The following CAMKK2 variants were observed in gnomAD, a reference collection of about 807,000 sequenced individuals.
The protein encoded by CAMKK2 is calcium/calmodulin-dependent protein kinase kinase 2.
In CAMKK2, 30 loss-of-function variants were observed where a neutral mutation model predicts 67.2. The observed-to-expected ratio is 0.45, with a 90% CI of 0.33 to 0.61. The LOEUF is 0.61. Among genes scored for constraint, CAMKK2 ranks in the 20% least tolerant of loss-of-function variants. The pLI, the probability that CAMKK2 is intolerant of heterozygous loss-of-function variation, is 0.02. For synonymous variants in CAMKK2, 322 were observed against 326.2 expected (o/e 0.99, Z 0.14); for missense variants, 643 against 802.0 (o/e 0.80, Z 2.39).
At chr12:121,263,634 A>G (rs11837114) in intron 6 of CAMKK2, among the ~76,000 whole-genome samples, 172 bp downstream of exon 6, 9,371 of 150,412 alleles carry the variant, frequency 0.062, 940 homozygotes, top group African/African-American at 0.21. Context: ...AAGAAAGAAG[A>G]GAAAAAATAG....
chr12:121,247,611 C>A (rs7975739), intron 14 of CAMKK2, among the ~76,000 whole-genome samples: 1,896 of 152,272 alleles, frequency 0.012, 39 homozygotes, highest in African/African-American at 0.043. Flanking sequence ...GGGTCTTCAA[C>A]AGTGAAGGTC....
intron 16 of CAMKK2, among the ~76,000 whole-genome samples, chr12:121,241,568 C>T (rs966915392): frequency 3.9e-5 from 6 of 152,200 alleles, no homozygotes; most frequent in Admixed American, 2.0e-4. Context: ...GGGGAATCCC[C>T]GAGCCTATCC....
intron 1 of CAMKK2, among the ~76,000 whole-genome samples, chr12:121,291,100 G>A (rs1031875815): frequency 4.6e-5 from 7 of 152,236 alleles, no homozygotes; most frequent in East Asian, 1.9e-4. Context: ...GATTACAGGC[G>A]TAAGCCACTG....
chr12:121,276,471 A>G (rs1392868562), intron 1 of CAMKK2, among the ~76,000 whole-genome samples: 1 of 152,178 alleles, frequency 6.6e-6, no homozygotes, highest in East Asian at 1.9e-4. Flanking sequence ...GACTCATCTC[A>G]AAAAATAAAA....
At chr12:121,255,234 T>C (rs201628352) in intron 9 of CAMKK2, among the ~76,000 whole-genome samples, 1 of 5,034 alleles carries the variant, frequency 2.0e-4, no homozygotes, top group Non-Finnish European at 4.1e-4. Context: ...ATATATATAA[T>C]TTTATATATA....
At chr12:121,279,796 G>C (rs1897420508) in intron 1 of CAMKK2, among the ~76,000 whole-genome samples, 1 of 152,230 alleles carries the variant, frequency 6.6e-6, no homozygotes, top group South Asian at 2.1e-4. Context: ...GAGCCTTCCT[G>C]GAGCAGATGG....
intron 1 of CAMKK2, among the ~76,000 whole-genome samples, chr12:121,288,273 G>A (rs896756393): frequency 6.6e-6 from 1 of 152,274 alleles, no homozygotes; most frequent in East Asian, 1.9e-4. Flanking sequence ...GAGATGGAGA[G>A]GGCCAGCTCG....
intron 6 of CAMKK2, chr12:121,260,559 G>C (rs1467821086): frequency 8.5e-6 from 5 of 588,690 alleles, no homozygotes; most frequent in African/African-American, 5.8e-5. Flanking sequence ...GAAAATAAAT[G>C]CCTCTCTGTC....
chr12:121,292,330 TG>T (rs1368177592), intron 1 of CAMKK2, among the ~76,000 whole-genome samples: 1 of 151,968 alleles, frequency 6.6e-6, no homozygotes, highest in Non-Finnish European at 1.5e-5. Flanking sequence ...GGTTTCGCTA[TG>T]TTGGCCAGCC....
upstream of CAMKK2, chr12:121,297,623 GCT>G (rs776883922): frequency 1.9e-6 from 1 of 517,024 alleles, no homozygotes; most frequent in African/African-American, 1.9e-5. Flanking sequence ...GACCTGGAGG[GCT>G]CCCTGAACCG....
chr12:121,281,883 T>C (rs900540443), intron 1 of CAMKK2, among the ~76,000 whole-genome samples: 6 of 151,934 alleles, frequency 3.9e-5, no homozygotes, highest in African/African-American at 1.5e-4. Flanking sequence ...GAGGCAGAGG[T>C]TGTGGTGAGC....
At chr12:121,259,090 G>A (rs967579237) in intron 7 of CAMKK2, among the ~76,000 whole-genome samples, 1 of 151,970 alleles carries the variant, frequency 6.6e-6, no homozygotes, top group Non-Finnish European at 1.5e-5. Flanking sequence ...TGATCCACCC[G>A]CTCGGACTCC....
intron 9 of CAMKK2, among the ~76,000 whole-genome samples, 154 bp downstream of exon 9, chr12:121,255,393 TATG>T (rs1892044527): frequency 9.8e-6 from 1 of 102,236 alleles, no homozygotes; most frequent in Non-Finnish European, 1.9e-5. Context: ...TATATATATA[TATG>T]TATCTCCTAT....
intron 1 of CAMKK2, among the ~76,000 whole-genome samples, chr12:121,290,571 G>C (rs113000354): frequency 6.6e-6 from 1 of 151,940 alleles, no homozygotes; most frequent in African/African-American, 2.4e-5. Context: ...AGGGCTGTAG[G>C]CCCAGCTACT....
intron 11 of CAMKK2, among the ~76,000 whole-genome samples, chr12:121,250,751 T>A (rs1890553536): frequency 2.6e-5 from 4 of 152,242 alleles, no homozygotes; most frequent in Admixed American, 1.3e-4. Context: ...CACTGCGGAC[T>A]CTCCGTGCCT....
intron 5 of CAMKK2, among the ~76,000 whole-genome samples, 184 bp from the exon 6 acceptor site, chr12:121,264,123 G>A (rs1330149131): frequency 6.6e-6 from 1 of 152,120 alleles, no homozygotes; most frequent in Non-Finnish European, 1.5e-5. Context: ...CTGGAAGTGA[G>A]TGAGGGCGGA....
rs1202765019 is a variant in CAMKK2, at chr12:121,287,875, G to A, written c.-60+8763C>T. 2.6e-5 allele frequency among the ~76,000 whole-genome samples: 4 copies of A among 152,284 alleles called. No individual in the cohort carries two copies. In the East Asian group the frequency reaches 5.8e-4, roughly 22 times the overall value. On this transcript the variant is annotated intron_variant, in intron 1 of 16. Coordinates refer to ENST00000404169, the MANE Select transcript of CAMKK2 (RefSeq NM_001270485.2). ...TGGTCCCAGCTCCGTCAGAGGCTGA[G>A]GTGAGAGGATCCCTTGAGGCCAGGA...
Position 121,240,708 on chromosome 12 carries a change from C to G in CAMKK2, c.1758G>C (p.Glu586Asp), listed in dbSNP as rs763580915. 8 of 1,602,632 alleles carry G rather than the reference C, an allele frequency of 5.0e-6. No homozygotes were observed. Among genetic ancestry groups the G allele is most frequent in the Non-Finnish European group, 6.8e-6 (8 of 1,177,276 alleles). Residue 586 changes from glutamate to aspartate, a missense_variant, in exon 17 of 17, where the codon GAG becomes GAC. Glu to Asp is a conservative substitution (Grantham distance 45). This residue lies in a region of CAMKK2 where 140 missense variants were observed against 124.2 expected (regional missense o/e 1.13). Transcript: ENST00000404169. This position sits in a 1 kb window ranked among gnomAD's most constrained non-coding sequence, Gnocchi z 4.4. Reference protein sequence around the residue: ...MHPLRPEEAMEPE With the variant: ...MHPLRPEEAMDPE ...CGAGCGATCCAGGCAGCTACTCGGGCTCCATGGCCTCCTCCGGCCGCAGTG... is the reference window on the plus strand; with the variant it reads ...CGAGCGATCCAGGCAGCTACTCGGGGTCCATGGCCTCCTCCGGCCGCAGTG...
intron 14 of CAMKK2, among the ~76,000 whole-genome samples, chr12:121,247,000 G>A (rs1889613169): frequency 6.6e-6 from 1 of 152,100 alleles, no homozygotes; most frequent in Non-Finnish European, 1.5e-5. Context: ...GCCCATCCCT[G>A]CTCCAGCTGC....
Sources: allele counts gnomAD v4.1 joint callset (sites outside exome capture counted in the v4.1 genomes callset), GRCh38; gene constraint gnomAD v4.1.1; regional missense constraint gnomAD v4.1.1; non-coding constraint Gnocchi (gnomAD v3.1); transcripts MANE v1.5; gene names NCBI Gene and HGNC (gene_info 2026-07-23, HGNC 2026-07-21).